The following LRIT1 variants were observed in gnomAD, a reference collection of about 807,000 sequenced individuals.
LRIT1 encodes leucine rich repeat, Ig-like and transmembrane domains 1, also known as leucine-rich repeat, immunoglobulin-like domain and transmembrane domain-containing protein 1.
Under a neutral mutation model 24.0 loss-of-function variants are expected in LRIT1, and 23 were observed. The ratio of observed to expected loss-of-function variants is 0.96; its 90% CI spans 0.69 to 1.36. LRIT1 has a LOEUF of 1.36. Among genes scored for constraint, LRIT1 ranks in the 40% most tolerant of loss-of-function variants. The pLI is 0.00. For missense variants in LRIT1, 846 were observed against 806.3 expected, an observed-to-expected ratio of 1.05 and a Z score of -0.60; for synonymous variants, 361 against 340.5, an observed-to-expected ratio of 1.06 and a Z score of -0.66.
At chr10:84,237,042 G>A (rs1204168548) in intron 2 of LRIT1, among the ~76,000 whole-genome samples, 178 bp downstream of exon 2, 1 of 152,138 alleles carries the variant, frequency 6.6e-6, no homozygotes, top group East Asian at 1.9e-4. Context: ...TTATGACTGC[G>A]ATATGAACTG....
rs762867262 is a variant in LRIT1, at chr10:84,234,343, G to C, written c.625C>G (p.Leu209Val). The C allele has an allele frequency of 1.9e-5, 30 of 1,583,956 alleles. No individual in the cohort carries two copies. Among genetic ancestry groups the C allele is most frequent in the Admixed American group, 1.8e-5 (1 of 56,490 alleles). The change falls in exon 3 of 4, where the codon CTC becomes GTC. Residue 209 changes from leucine (L) to valine (V), a missense_variant. By Grantham distance (32) the Leu-to-Val change is conservative (BLOSUM62 1). Coordinates refer to ENST00000372105, the MANE Select transcript of LRIT1 (RefSeq NM_015613.3). ...TCCAAAAGATGAACCAGGTCATAGAGTCGGCAGTCACATGCCCAGGGGTTG... is the reference window on the plus strand; with the variant it reads ...TCCAAAAGATGAACCAGGTCATAGACTCGGCAGTCACATGCCCAGGGGTTG... The part of the protein sequence containing the change: ...QDNPWACDCR[L>V]YDLVHLLDGW...
chr10:84,235,591 T>C (rs1842640816), intron 2 of LRIT1, among the ~76,000 whole-genome samples: 1 of 106,798 alleles, frequency 9.4e-6, no homozygotes. Context: ...TTTTGTTCTC[T>C]GCTGTATTCC....
chr10:84,231,891 G>GGGCAGGCAGGTGTGTGAGTTGCGGA lies in LRIT1; in HGVS notation c.*11_*35dup, dbSNP rs775121011. Reference sequence around the variant, plus strand: ...GGTGTCAGAGCTAAAGAAGGAGCGTGGGCAGGCAGGTGTGTGAGTTGCGGA... The same window carrying GGGCAGGCAGGTGTGTGAGTTGCGGA: ...GGTGTCAGAGCTAAAGAAGGAGCGTGGGCAGGCAGGTGTGTGAGTTGCGGAGGCAGGCAGGTGTGTGAGTTGCGGA... On this transcript the variant is annotated 3_prime_UTR_variant, in exon 4 of 4. Coordinates refer to ENST00000372105, the MANE Select transcript of LRIT1 (RefSeq NM_015613.3). 9.3e-5 allele frequency: 146 copies of GGGCAGGCAGGTGTGTGAGTTGCGGA among 1,568,354 alleles called. 1 individual carries two copies. The Middle Eastern group carries it at 1.7e-3, about 18-fold the overall frequency.
intron 1 of LRIT1, among the ~76,000 whole-genome samples, chr10:84,238,972 T>C (rs1188439210): frequency 6.6e-6 from 1 of 152,114 alleles, no homozygotes; most frequent in Non-Finnish European, 1.5e-5. Flanking sequence ...CTAAGGGAGG[T>C]TGTTCTCTTG....
chr10:84,237,752 C>A, intron 1 of LRIT1, 66 bp from the exon 2 acceptor site: 2 of 1,292,918 alleles, frequency 1.5e-6, no homozygotes, highest in Non-Finnish European at 2.1e-6. Flanking sequence ...CCACCGCTAC[C>A]TCCCTTCGCG....
intron 2 of LRIT1, among the ~76,000 whole-genome samples, chr10:84,236,456 A>G (rs1842648513): frequency 6.6e-6 from 1 of 152,250 alleles, no homozygotes; most frequent in African/African-American, 2.4e-5. Context: ...ATACTATAGA[A>G]TATTGTGCAG....
rs181041790 is a variant in LRIT1 at position 84,235,356 on chromosome 10, T to C, written c.590-978A>G. 2.4e-4 allele frequency among the ~76,000 whole-genome samples: 36 copies of C among 152,248 alleles called. No individual in the cohort carries two copies. In the East Asian group the frequency reaches 6.0e-3, roughly 25 times the overall value. On this transcript the variant is annotated intron_variant, in intron 2 of 3. Transcript: ENST00000372105. The stretch of plus-strand genomic sequence containing the variant: ...TCTCACCAGTGGTTGCTGCCTTGTG[T>C]CATTGGTTAAACGCACTTAATGATA...
rs369937105 is a variant in LRIT1 at position 84,234,258 on chromosome 10, C to T, written c.710G>A (p.Ser237Asn). The change falls in exon 3 of 4, where the codon AGC (serine) becomes AAC (asparagine). Residue 237 changes from serine to asparagine, a missense_variant. Ser to Asn is a conservative substitution (Grantham distance 46). Transcript: ENST00000372105. Reference sequence around the variant, plus strand: ...CTGGCTGAAGGCCACTCCGGCCAGGCTACGTGGGCTGGCACATCTCAGTTC... The same window carrying T: ...CTGGCTGAAGGCCACTCCGGCCAGGTTACGTGGGCTGGCACATCTCAGTTC... ...ETELRCASPR[S>N]LAGVAFSQLE... The T allele has an allele frequency of 1.9e-5, 31 of 1,613,804 alleles. No individual in the cohort carries two copies. In the African/African-American group the frequency reaches 2.9e-4, roughly 15 times the overall value.
chr10:84,234,471 CTCA>C, intron 2 of LRIT1, 93 bp from the exon 3 acceptor site: 4 of 1,044,342 alleles, frequency 3.8e-6, no homozygotes, highest in Non-Finnish European at 5.5e-6. Context: ...CAGGCAGGTC[CTCA>C]TTCAGAGTCA....
rs147148463 is a variant in LRIT1 at position 84,232,992 on chromosome 10, T to C, written c.896-89A>G. On this transcript the variant is annotated intron_variant, in intron 3 of 3. Transcript: ENST00000372105. Reference sequence around the variant, plus strand: ...GGGCCAAGTTCACAGCCCCAGGTGGTACACACTCAGGTGTCATCGTAAGAA... The same window carrying C: ...GGGCCAAGTTCACAGCCCCAGGTGGCACACACTCAGGTGTCATCGTAAGAA... 1.5e-3 allele frequency: 2,070 copies of C among 1,414,146 alleles called. 1 individual carries two copies. The highest frequency in any genetic ancestry group is 1.9e-3 in the Non-Finnish European group (1,959 of 1,050,624). 87.6% of individuals were successfully genotyped at this position (1,414,146 alleles called of 1,614,324 possible). A position where few individuals can be genotyped will look rare whatever the true frequency, so the allele number is the denominator to read the frequency against.
chr10:84,232,619 T>C lies in LRIT1; in HGVS notation c.1180A>G (p.Thr394Ala). ...TTTGTGCTGGGCACAGAGGGTCCAG[T>C]GGCCAGGACAGCGGGTTTGGGAATC... ...PQIPKPAVLA[T>A]GPSVPSTKEE... Residue 394 changes from threonine (T) to alanine (A), a missense_variant, in exon 4 of 4, where the codon ACT (threonine) becomes GCT (alanine). Transcript: ENST00000372105. 1 of 1,613,736 alleles carries C rather than the reference T, an allele frequency of 6.2e-7. No individual in the cohort carries two copies. The highest frequency in any genetic ancestry group is 1.1e-5 in the South Asian group (1 of 91,078).
chr10:84,233,956 T>A, intron 3 of LRIT1, 117 bp downstream of exon 3: 1 of 941,758 alleles, frequency 1.1e-6, no homozygotes, highest in Non-Finnish European at 1.5e-6. Flanking sequence ...CTCAGACAGG[T>A]GGAAGCCCAG....
intron 2 of LRIT1, among the ~76,000 whole-genome samples, chr10:84,235,248 C>A (rs1326071808): frequency 6.6e-6 from 1 of 152,120 alleles, no homozygotes; most frequent in African/African-American, 2.4e-5. Context: ...GCATTCAGAT[C>A]TGATTGTATA....
chr10:84,239,811 T>A lies in LRIT1; in HGVS notation c.122+1507A>T, dbSNP rs1209040053. Among the ~76,000 whole-genome samples, 3 of 152,308 alleles carry A rather than the reference T, an allele frequency of 2.0e-5. No individual in the cohort carries two copies. In the East Asian group the frequency reaches 5.8e-4, roughly 29 times the overall value. On this transcript the variant is annotated intron_variant, in intron 1 of 3. Transcript: ENST00000372105. ...TAGAGAGGGATCTGAGGAAGGCTTC[T>A]GACATGCAGAACGAGCTTTGGTCTA...
Position 84,231,835 on chromosome 10 carries a change from G to A in LRIT1, c.*92C>T, listed in dbSNP as rs560094005. The A allele has an allele frequency of 4.3e-5, 61 of 1,407,912 alleles. No individual in the cohort carries two copies. The highest frequency in any genetic ancestry group is 1.9e-4 in the Middle Eastern group (1 of 5,276). The allele number at this position is 1,407,912 out of a possible 1,614,324, so 87.2% of individuals were successfully genotyped here. A position where few individuals can be genotyped will look rare whatever the true frequency, so the allele number is the denominator to read the frequency against. On this transcript the variant is annotated 3_prime_UTR_variant, in exon 4 of 4. Transcript: ENST00000372105. ...TAAGTATCTGAGTAAGCAGGTACCC[G>A]AGCAGGTAAGAGTGGGTGATCGTGT...
Position 84,237,083 on chromosome 10 carries a change from A to G in LRIT1, c.589+137T>C, listed in dbSNP as rs1842654366. ...GTCTGGCTTGTGGATTGAGCTCCTA[A>G]ACCCGCCGCTCTTGTGGATCTCACT... On this transcript the variant is annotated intron_variant, in intron 2 of 3. Transcript: ENST00000372105. 2.1e-5 allele frequency: 15 copies of G among 716,810 alleles called. No homozygotes were observed. In the South Asian group the frequency reaches 2.4e-4, roughly 11 times the overall value. 44.4% of individuals were successfully genotyped at this position (716,810 alleles called of 1,614,324 possible).
At chr10:84,235,349 C>T (rs1379849619) in intron 2 of LRIT1, among the ~76,000 whole-genome samples, 1 of 152,140 alleles carries the variant, frequency 6.6e-6, no homozygotes, top group Non-Finnish European at 1.5e-5. Flanking sequence ...GTGGTTGCTG[C>T]CTTGTGTCAT....
In LRIT1 at chr10:84,237,970, G is replaced by T. The variant is rs1192193284; in HGVS notation, c.123-284C>A. On this transcript the variant is annotated intron_variant, in intron 1 of 3. Coordinates refer to ENST00000372105, the MANE Select transcript of LRIT1 (RefSeq NM_015613.3). ...CCTTACACTGTTACGACCCATAACA[G>T]CCCGCAGCACCCACAGTGCACTAAG... 2.0e-5 allele frequency among the ~76,000 whole-genome samples: 3 copies of T among 152,180 alleles called. No individual in the cohort carries two copies. In the East Asian group the frequency reaches 5.8e-4, roughly 29 times the overall value.
rs780853343 is a variant in LRIT1 at position 84,231,958 on chromosome 10, C to T, written c.1841G>A (p.Gly614Glu). Residue 614 changes from glycine (G) to glutamate (E), a missense_variant, in exon 4 of 4, where the codon GGG becomes GAG. Transcript: ENST00000372105. ...SVDFQAFGVKGGRRINEYFC is the reference protein window; with the variant it reads ...SVDFQAFGVKEGRRINEYFC Reference sequence around the variant, plus strand: ...GAAGTACTCATTGATTCTCCTGCCCCCTTTGACTCCAAAGGCCTGAAAGTC... The same window carrying T: ...GAAGTACTCATTGATTCTCCTGCCCTCTTTGACTCCAAAGGCCTGAAAGTC... The T allele has an allele frequency of 6.2e-7, 1 of 1,611,588 alleles. No homozygotes were observed. Among genetic ancestry groups the T allele is most frequent in the Non-Finnish European group, 8.5e-7 (1 of 1,178,274 alleles).
Sources: allele counts gnomAD v4.1 joint callset (sites outside exome capture counted in the v4.1 genomes callset), GRCh38; gene constraint gnomAD v4.1.1; transcripts MANE v1.5; gene names NCBI Gene and HGNC (gene_info 2026-07-23, HGNC 2026-07-21).